The following FYB2 variants were observed in gnomAD, a reference collection of about 807,000 sequenced individuals.
The protein encoded by FYB2 is FYN binding protein 2.
Under a neutral mutation model 94.1 loss-of-function variants are expected in FYB2, and 103 were observed. The ratio of observed to expected loss-of-function variants is 1.09; its 90% CI spans 0.93 to 1.29. FYB2 has a LOEUF of 1.29. Among genes scored for constraint, FYB2 ranks in the 50% most tolerant of loss-of-function variants. FYB2 has a pLI of 0.00. For synonymous variants in FYB2, 293 were observed against 287.9 expected, an observed-to-expected ratio of 1.02 and a Z score of -0.18; for missense variants, 896 against 841.5, an observed-to-expected ratio of 1.06 and a Z score of -0.80.
intron 1 of FYB2, among the ~76,000 whole-genome samples, chr1:56,795,224 T>C (rs1646367853): frequency 6.6e-6 from 1 of 152,148 alleles, no homozygotes; most frequent in African/African-American, 2.4e-5. Flanking sequence ...AGAGGAATCA[T>C]AGAGTATTTG....
intron 1 of FYB2, among the ~76,000 whole-genome samples, chr1:56,800,411 A>G (rs1483927724): frequency 1.3e-5 from 2 of 152,198 alleles, no homozygotes; most frequent in African/African-American, 2.4e-5. Context: ...CTGACACTGT[A>G]GTTGTTAGTT....
intron 11 of FYB2, among the ~76,000 whole-genome samples, chr1:56,743,105 A>G (rs886628335): frequency 5.9e-5 from 9 of 152,034 alleles, no homozygotes; most frequent in Non-Finnish European, 1.0e-4. Context: ...ATTTTCAAGT[A>G]TATAATACTT....
chr1:56,789,158 G>T, intron 2 of FYB2, 24 bp from the exon 3 acceptor site: 2 of 1,534,602 alleles, frequency 1.3e-6, no homozygotes, highest in South Asian at 1.3e-5. Context: ...AGTAAAAAAT[G>T]TAAGTTATGA....
intron 15 of FYB2, among the ~76,000 whole-genome samples, chr1:56,730,858 G>C (rs1346131760): frequency 6.6e-6 from 1 of 152,064 alleles, no homozygotes; most frequent in Non-Finnish European, 1.5e-5. Context: ...CGATATCCCT[G>C]ATGAACATAG....
intron 15 of FYB2, among the ~76,000 whole-genome samples, chr1:56,729,564 C>T (rs555058724): frequency 6.6e-6 from 1 of 152,118 alleles, no homozygotes; most frequent in African/African-American, 2.4e-5. Context: ...CACCTCAATA[C>T]AATAATAGTT....
chr1:56,760,027 C>A (rs1220844382), intron 5 of FYB2, among the ~76,000 whole-genome samples: 3 of 143,374 alleles, frequency 2.1e-5, no homozygotes, highest in Non-Finnish European at 4.5e-5. Context: ...TGCAGTGAGC[C>A]GAGATCGCGC....
chr1:56,783,588 G>A (rs912957674), intron 4 of FYB2, among the ~76,000 whole-genome samples: 6 of 152,162 alleles, frequency 3.9e-5, no homozygotes, highest in African/African-American at 4.8e-5. Context: ...TATGATGTCT[G>A]TTGTACCAAA....
chr1:56,773,593 C>T (rs1645810721), intron 4 of FYB2, among the ~76,000 whole-genome samples: 1 of 152,046 alleles, frequency 6.6e-6, no homozygotes, highest in South Asian at 2.1e-4. Context: ...AGGCGAGTTT[C>T]CTTTCACAGG....
At chr1:56,799,124 C>G (rs903524377) in intron 1 of FYB2, among the ~76,000 whole-genome samples, 1 of 152,066 alleles carries the variant, frequency 6.6e-6, no homozygotes, top group Non-Finnish European at 1.5e-5. Flanking sequence ...ACCAATTAGG[C>G]GATTGTTACT....
intron 4 of FYB2, among the ~76,000 whole-genome samples, chr1:56,772,478 A>T (rs990076146): frequency 1.3e-5 from 2 of 152,126 alleles, no homozygotes; most frequent in Non-Finnish European, 1.5e-5. Context: ...TCTGAGATCC[A>T]CCTTGATTTC....
At chr1:56,820,706 T>C (rs1043156090), upstream of FYB2, among the ~76,000 whole-genome samples, 1 of 152,236 alleles carries the variant, frequency 6.6e-6, no homozygotes, top group Non-Finnish European at 1.5e-5. Context: ...ACTGCATCAA[T>C]GCTTCTGGCC....
chr1:56,740,725 T>C lies in FYB2; in HGVS notation c.1675A>G (p.Lys559Glu). 1 of 1,606,170 alleles carries C rather than the reference T, an allele frequency of 6.2e-7. No individual in the cohort carries two copies. The highest frequency in any genetic ancestry group is 8.5e-7 in the Non-Finnish European group (1 of 1,175,606). ...AAGTTTTCTTTCGACTTGGTTTTCT[T>C]TATTTTAAATCTATCCTTTTCTTTC... ...FKKEKDRFKI[K>E]KTKSKENLSA... Residue 559 changes from lysine to glutamate, a missense_variant, in exon 13 of 20, where the codon AAG (lysine) becomes GAG (glutamate). By Grantham distance (56) the Lys-to-Glu change is moderately conservative (BLOSUM62 1). Transcript: ENST00000343433.
intron 17 of FYB2, chr1:56,720,801 A>G (rs1392988085): frequency 6.5e-6 from 1 of 153,200 alleles, no homozygotes; most frequent in Non-Finnish European, 1.5e-5. Context: ...CAGTGTTTGC[A>G]CAACCGTTAT....
intron 15 of FYB2, among the ~76,000 whole-genome samples, chr1:56,735,978 G>C (rs1644822301): frequency 6.6e-6 from 1 of 151,990 alleles, no homozygotes; most frequent in African/African-American, 2.4e-5. Flanking sequence ...CCAACACAAA[G>C]AAATGATAAA....
intron 1 of FYB2, among the ~76,000 whole-genome samples, chr1:56,794,948 C>A (rs1437962414): frequency 1.3e-5 from 2 of 151,910 alleles, no homozygotes; most frequent in African/African-American, 2.4e-5. Flanking sequence ...CACATACACA[C>A]CTCAGTGATA....
intron 4 of FYB2, among the ~76,000 whole-genome samples, chr1:56,771,247 A>G (rs1645747289): frequency 6.6e-6 from 1 of 152,192 alleles, no homozygotes; most frequent in Admixed American, 6.5e-5. Flanking sequence ...ATGCATAAAC[A>G]AATTGGGATG....
intron 6 of FYB2, among the ~76,000 whole-genome samples, chr1:56,756,273 T>C (rs1360500130): frequency 6.6e-6 from 1 of 152,116 alleles, no homozygotes; most frequent in Non-Finnish European, 1.5e-5. Flanking sequence ...TTAAGCAATA[T>C]TTTACTGGGC....
At chr1:56,745,462 A>T (rs924648000) in intron 9 of FYB2, among the ~76,000 whole-genome samples, 1 of 152,010 alleles carries the variant, frequency 6.6e-6, no homozygotes, top group African/African-American at 2.4e-5. Flanking sequence ...GCTCAGGCCC[A>T]AAACCTTGGA....
chr1:56,788,768 G>C, intron 3 of FYB2: 1 of 625,078 alleles, frequency 1.6e-6, no homozygotes, highest in East Asian at 2.9e-5. Context: ...CTCAGGGGAA[G>C]TGGGCTGGTC....
Sources: gnomAD v4.1 joint callset for allele counts (sites outside exome capture counted in the v4.1 genomes callset) on GRCh38, gnomAD v4.1.1 for gene constraint, MANE v1.5 for transcripts, NCBI Gene and HGNC (gene_info 2026-07-23, HGNC 2026-07-21) for gene names.